GNG2: variants seen among roughly 807,000 people sequenced by gnomAD.
The protein encoded by GNG2 is G protein subunit gamma 2, also known as guanine nucleotide-binding protein G(I)/G(S)/G(O) subunit gamma-2.
Under a neutral mutation model 5.5 loss-of-function variants are expected in GNG2, and 5 were observed. That is an observed-to-expected ratio of 0.91 (90% CI 0.48 to 1.92). The LOEUF (loss-of-function observed/expected upper bound fraction) is 1.92, where lower values mean the gene tolerates loss of function less well. Among genes scored for constraint, GNG2 ranks in the 30% most tolerant of loss-of-function variants. GNG2 has a pLI of 0.01. For missense variants in GNG2, 55 were observed against 88.4 expected, an observed-to-expected ratio of 0.62 and a Z score of 1.52; for synonymous variants, 28 against 32.0, an observed-to-expected ratio of 0.88 and a Z score of 0.42.
At chr14:51,842,476 C>T (rs1288641261) in intron 2 of GNG2, among the ~76,000 whole-genome samples, 7 of 152,096 alleles carry the variant, frequency 4.6e-5, no homozygotes, top group Admixed American at 3.3e-4. Context: ...GCTCCGCACA[C>T]GCAAACGGAA....
chr14:51,874,090 T>A (rs1210424129), intron 1 of GNG2: 2 of 152,112 alleles, frequency 1.3e-5, no homozygotes, highest in Admixed American at 1.3e-4. Flanking sequence ...AAGGTATGAG[T>A]GTACACACAA....
At chr14:51,840,689 T>G (rs990679680) in intron 2 of GNG2, among the ~76,000 whole-genome samples, 5 of 152,220 alleles carry the variant, frequency 3.3e-5, no homozygotes, top group African/African-American at 1.2e-4. Context: ...AGAGAAAGAA[T>G]GTACTTCTGT....
At chr14:51,876,096 C>A (rs1387512797) in intron 1 of GNG2, among the ~76,000 whole-genome samples, 1 of 151,958 alleles carries the variant, frequency 6.6e-6, no homozygotes, top group Non-Finnish European at 1.5e-5. Flanking sequence ...CATCACCATG[C>A]CTGGCTAACT....
At position 51,950,692 on chromosome 14, in the gene GNG2, A is replaced by G. The variant is rs1236129826; in HGVS notation, c.14A>G (p.Asn5Ser). MASN[N>S]TASIAQARKL... ...TCCAGCACTCCGATGGCCAGCAACA[A>G]CACCGCCAGCATAGCACAAGCCAGG... The change falls in exon 3 of 4, where the codon AAC (asparagine) becomes AGC (serine). Residue 5 changes from asparagine to serine, a missense_variant. Coordinates refer to ENST00000556766, the MANE Select transcript of GNG2 (RefSeq NM_053064.5). 2 of 1,611,922 alleles carry G rather than the reference A, an allele frequency of 1.2e-6. No homozygotes were observed. The highest frequency in any genetic ancestry group is 1.7e-6 in the Non-Finnish European group (2 of 1,179,058).
chr14:51,908,736 A>ATTTTTTTTT (rs3030340), intron 2 of GNG2, among the ~76,000 whole-genome samples: 19,953 of 89,236 alleles, frequency 0.22, 4,229 homozygotes, highest in East Asian at 0.45. Context: ...CACCCAGCTA[A>ATTTTTTTTT]TTTTTTTTTT....
chr14:51,837,744 T>C (rs376953205), intron 2 of GNG2, among the ~76,000 whole-genome samples: 2 of 151,702 alleles, frequency 1.3e-5, no homozygotes, highest in South Asian at 2.1e-4. Context: ...GCAGTTGAAA[T>C]AGGAAAAACT....
At chr14:51,840,441 T>C (rs1881451313) in intron 2 of GNG2, among the ~76,000 whole-genome samples, 1 of 152,226 alleles carries the variant, frequency 6.6e-6, no homozygotes, top group Non-Finnish European at 1.5e-5. Context: ...AGAGTCTTGG[T>C]TCTCCACTCT....
chr14:51,842,497 G>A (rs114244133), intron 2 of GNG2, among the ~76,000 whole-genome samples: 1,546 of 152,228 alleles, frequency 0.01, 24 homozygotes, highest in African/African-American at 0.036. Context: ...GTGCTCAGCA[G>A]CTGGGACACC....
intron 2 of GNG2, among the ~76,000 whole-genome samples, chr14:51,843,731 G>A (rs552026635): frequency 1.3e-4 from 20 of 152,222 alleles, no homozygotes; most frequent in African/African-American, 4.8e-4. Flanking sequence ...AGTTTTAATG[G>A]TTCCTCATGT....
intron 2 of GNG2, among the ~76,000 whole-genome samples, chr14:51,917,181 A>G (rs1342968030): frequency 6.6e-6 from 1 of 152,200 alleles, no homozygotes; most frequent in African/African-American, 2.4e-5. Flanking sequence ...TTTCAAAATG[A>G]TATCTCATTT....
intron 2 of GNG2, among the ~76,000 whole-genome samples, chr14:51,940,817 C>G (rs1186036617): frequency 6.6e-6 from 1 of 152,156 alleles, no homozygotes; most frequent in Non-Finnish European, 1.5e-5. Context: ...AAGTGATGAA[C>G]TGGCAATAGA....
intron 2 of GNG2, among the ~76,000 whole-genome samples, chr14:51,932,271 A>AAAAAAAAAAAAAAAG (rs60014306): frequency 8.3e-5 from 8 of 96,338 alleles, no homozygotes; most frequent in East Asian, 3.1e-4. Flanking sequence ...AAAAAAAAAA[A>AAAAAAAAAAAAAAAG]AGAAAAGAAA....
At chr14:51,920,544 A>T (rs958375590) in intron 2 of GNG2, among the ~76,000 whole-genome samples, 2 of 152,186 alleles carry the variant, frequency 1.3e-5, no homozygotes, top group African/African-American at 4.8e-5. Flanking sequence ...ATATAATTAC[A>T]AATTATGATA....
chr14:51,871,980 A>G (rs1353275860), intron 1 of GNG2, among the ~76,000 whole-genome samples: 2 of 152,194 alleles, frequency 1.3e-5, no homozygotes, highest in Non-Finnish European at 2.9e-5. Flanking sequence ...AGTGAACAGA[A>G]GTGAGGTGCA....
At chr14:51,936,584 T>C (rs1394679576) in intron 2 of GNG2, among the ~76,000 whole-genome samples, 1 of 151,248 alleles carries the variant, frequency 6.6e-6, no homozygotes, top group Non-Finnish European at 1.5e-5. Flanking sequence ...AGTGCCTCAC[T>C]CTGTGGCCCA....
At chr14:51,960,625 A>G (rs1008960013) in intron 3 of GNG2, among the ~76,000 whole-genome samples, 3 of 145,450 alleles carry the variant, frequency 2.1e-5, no homozygotes. Flanking sequence ...AAAAATAACA[A>G]TTGTTACTTT....
chr14:51,839,340 G>A (rs7161188), intron 2 of GNG2, among the ~76,000 whole-genome samples: 1,959 of 152,300 alleles, frequency 0.013, 39 homozygotes, highest in African/African-American at 0.041. Context: ...AGAGACAAAT[G>A]GTTGCATTCT....
At chr14:51,848,399 T>C (rs2748141) in intron 2 of GNG2, among the ~76,000 whole-genome samples, 109,287 of 152,000 alleles carry the variant, frequency 0.72, 41,341 homozygotes, top group East Asian at 0.97. Context: ...CAAAACTCTA[T>C]GAAGTATAGC....
At chr14:51,929,025 T>A (rs1478450733) in intron 2 of GNG2, among the ~76,000 whole-genome samples, 1 of 152,246 alleles carries the variant, frequency 6.6e-6, no homozygotes, top group East Asian at 1.9e-4. Flanking sequence ...TTCTGTCGTT[T>A]ATCTATATGT....
Sources: gnomAD v4.1 joint callset for allele counts (sites outside exome capture counted in the v4.1 genomes callset) on GRCh38, gnomAD v4.1.1 for gene constraint, MANE v1.5 for transcripts, NCBI Gene and HGNC (gene_info 2026-07-23, HGNC 2026-07-21) for gene names.